ABHD2: variants seen among roughly 807,000 people sequenced by gnomAD.
The protein encoded by ABHD2 is monoacylglycerol lipase ABHD2.
ABHD2 carries 20 observed loss-of-function variants against 48.1 expected under a neutral mutation model. The ratio of observed to expected loss-of-function variants is 0.42; its 90% confidence interval spans 0.29 to 0.60. The LOEUF is 0.60. Among genes scored for constraint, ABHD2 ranks in the 20% least tolerant of loss-of-function variants. The pLI, the probability that ABHD2 is intolerant of heterozygous loss-of-function variation, is 0.24. For missense variants in ABHD2, 405 were observed against 550.9 expected (o/e 0.74, Z 2.65); for synonymous variants, 209 against 214.2 (o/e 0.98, Z 0.21).
At chr15:89,128,558 C>G (rs1339074857) in intron 3 of ABHD2, among the ~76,000 whole-genome samples, 4 of 152,196 alleles carry the variant, frequency 2.6e-5, no homozygotes, top group African/African-American at 9.6e-5. Context: ...TTGATTGTCT[C>G]TCTTGTAACT....
chr15:89,102,296 G>A lies in ABHD2; in HGVS notation c.-106-11429G>A, dbSNP rs1260492381. 3 of 152,012 alleles carry A rather than the reference G, an allele frequency of 2.0e-5. No homozygotes were observed. Among genetic ancestry groups the A allele is most frequent in the Non-Finnish European group, 4.4e-5 (3 of 68,010 alleles). 9.4% of individuals were successfully genotyped at this position (152,012 alleles called of 1,614,324 possible). On this transcript the variant is annotated intron_variant, in intron 1 of 10. Transcript: ENST00000352732. The surrounding 1 kb of genome is among the most constrained non-coding windows in gnomAD (Gnocchi z 4.8). The stretch of plus-strand genomic sequence containing the variant: ...TGAACTCCTCTAGTATTTATAGTTG[G>A]TACTTCAGAGTTTAGTACTTCATTA...
rs543055247 is a variant in ABHD2 at position 89,112,017 on chromosome 15, T to C, written c.-106-1708T>C. Among the ~76,000 whole-genome samples, 3 of 152,236 alleles carry C rather than the reference T, an allele frequency of 2.0e-5. No homozygotes were observed. In the South Asian group the frequency reaches 6.2e-4, roughly 32 times the overall value. On this transcript the variant is annotated intron_variant, in intron 1 of 10. Coordinates refer to ENST00000352732, the MANE Select transcript of ABHD2 (RefSeq NM_152924.5). ...ACCTTTTCAGGGCTAGAAGGGACCT[T>C]AGATGCTTTTCTCCAAAGGTTGCAT...
upstream of ABHD2, among the ~76,000 whole-genome samples, chr15:89,086,883 T>C (rs1256892732): frequency 1.3e-5 from 2 of 152,254 alleles, no homozygotes. Context: ...CCTGGGTTTT[T>C]CTTTTCCAAG....
At chr15:89,083,283 T>G (rs1174741405), upstream of ABHD2, among the ~76,000 whole-genome samples, 1 of 152,246 alleles carries the variant, frequency 6.6e-6, no homozygotes, top group Non-Finnish European at 1.5e-5. The surrounding 1 kb of genome is among the most constrained non-coding windows in gnomAD (Gnocchi z 5.1). Flanking sequence ...TATGATGAGC[T>G]TATTTAATGC....
At position 89,186,518 on chromosome 15, in the gene ABHD2, C is replaced by A. The variant is rs188161529; in HGVS notation, c.815+1002C>A. Reference sequence around the variant, plus strand: ...TTACTGCCCTTGCTGAGAATACTCTCCCGTTTCTCTGCTGGTGGGAACTCA... The same window carrying A: ...TTACTGCCCTTGCTGAGAATACTCTACCGTTTCTCTGCTGGTGGGAACTCA... On this transcript the variant is annotated intron_variant, in intron 7 of 10. Transcript: ENST00000352732. The surrounding 1 kb of genome is among the most constrained non-coding windows in gnomAD (Gnocchi z 4.3). Among the ~76,000 whole-genome samples, 474 of 152,250 alleles carry A rather than the reference C, an allele frequency of 3.1e-3. 2 individuals are homozygous for A. Among genetic ancestry groups the A allele is most frequent in the African/African-American group, 0.011 (443 of 41,534 alleles).
chr15:89,170,685 C>T (rs1286582205), intron 5 of ABHD2, among the ~76,000 whole-genome samples: 5 of 152,186 alleles, frequency 3.3e-5, no homozygotes, highest in Non-Finnish European at 7.3e-5. Context: ...GCCTGTTACC[C>T]ACACTTCTTC....
intron 1 of ABHD2, among the ~76,000 whole-genome samples, chr15:89,112,960 G>A (rs1292139783): frequency 6.6e-6 from 1 of 152,208 alleles, no homozygotes; most frequent in East Asian, 1.9e-4. Context: ...GATTAAATGA[G>A]CTACCATATG....
At chr15:89,064,963 A>G in the ABHD2 span, among the ~76,000 whole-genome samples, 2 of 152,042 alleles carry the variant, frequency 1.3e-5, no homozygotes, top group Non-Finnish European at 2.9e-5. Flanking sequence ...CCCGAGAGGG[A>G]TCACTATTCT....
Position 89,151,610 on chromosome 15 carries a change from T to G in ABHD2, c.195-67T>G, listed in dbSNP as rs2050592001. On this transcript the variant is annotated intron_variant, in intron 3 of 10. Coordinates refer to ENST00000352732, the MANE Select transcript of ABHD2 (RefSeq NM_152924.5). The surrounding 1 kb of genome is among the most constrained non-coding windows in gnomAD (Gnocchi z 4.7). ...CAAAAATAGGTTGAAAGAGTTTTGC[T>G]AAAAGATTTTTCAGAACGTTGCTCA... 1 of 1,530,966 alleles carries G rather than the reference T, an allele frequency of 6.5e-7. No homozygotes were observed. The highest frequency in any genetic ancestry group is 8.8e-7 in the Non-Finnish European group (1 of 1,133,696). 94.8% of individuals were successfully genotyped at this position (1,530,966 alleles called of 1,614,324 possible).
intron 6 of ABHD2, among the ~76,000 whole-genome samples, chr15:89,181,379 C>T (rs1037857762): frequency 6.6e-6 from 1 of 151,998 alleles, no homozygotes; most frequent in African/African-American, 2.4e-5. Flanking sequence ...GGTGTGATAG[C>T]ATTATGGGAA....
the ABHD2 span, among the ~76,000 whole-genome samples, chr15:89,046,250 C>G: frequency 6.6e-6 from 1 of 152,184 alleles, no homozygotes; most frequent in Non-Finnish European, 1.5e-5. Context: ...ATGAAGTCCA[C>G]TTGATCATGG....
At chr15:89,077,874 G>C in the ABHD2 span, among the ~76,000 whole-genome samples, 3 of 151,982 alleles carry the variant, frequency 2.0e-5, no homozygotes, top group Admixed American at 1.3e-4. Flanking sequence ...TTGTACTGTG[G>C]ACAGCTTTTG....
At chr15:89,068,196 GCACACACA>G in the ABHD2 span, among the ~76,000 whole-genome samples, 9 of 149,804 alleles carry the variant, frequency 6.0e-5, no homozygotes, top group East Asian at 2.0e-4. Flanking sequence ...ATGTGCGCGT[GCACACACA>G]CACACACACA....
chr15:89,135,566 C>T, intron 3 of ABHD2: 1 of 1,478,042 alleles, frequency 6.8e-7, no homozygotes, highest in Non-Finnish European at 9.3e-7. Flanking sequence ...TCTTCATCTT[C>T]CTCCTCCTCA....
At chr15:89,069,674 C>CTTTTTTTTTTTTTTTTTTT in the ABHD2 span, among the ~76,000 whole-genome samples, 66 of 52,900 alleles carry the variant, frequency 1.2e-3, 24 homozygotes, top group African/African-American at 3.3e-3. Flanking sequence ...TTCATTTACT[C>CTTTTTTTTTTTTTTTTTTT]TTTTTTTTTT....
the ABHD2 span, among the ~76,000 whole-genome samples, chr15:89,047,839 G>C: frequency 6.8e-6 from 1 of 146,702 alleles, no homozygotes; most frequent in Non-Finnish European, 1.5e-5. Flanking sequence ...GATGGGTCTT[G>C]ACTCTTTATC....
intron 1 of ABHD2, among the ~76,000 whole-genome samples, chr15:89,103,585 G>A (rs192047444): frequency 6.6e-6 from 1 of 152,258 alleles, no homozygotes; most frequent in East Asian, 1.9e-4. Flanking sequence ...TCCTCCAAAA[G>A]TGCAAGTGAT....
rs1037553832 is a variant in ABHD2, at chr15:89,188,710, C to G, written c.926+407C>G. On this transcript the variant is annotated intron_variant, in intron 8 of 10. Transcript: ENST00000352732. This position sits in a 1 kb window ranked among gnomAD's most constrained non-coding sequence, Gnocchi z 4.1. ...ATACTTCTTGTACTTCTCTGTGTCT[C>G]TAACAAGAGTAGAAAAACTGGCTGG... Among the ~76,000 whole-genome samples, 1 of 152,014 alleles carries G rather than the reference C, an allele frequency of 6.6e-6. No individual in the cohort carries two copies. Among genetic ancestry groups the G allele is most frequent in the Non-Finnish European group, 1.5e-5 (1 of 68,008 alleles).
chr15:89,058,188 A>G, the ABHD2 span, among the ~76,000 whole-genome samples: 2 of 152,176 alleles, frequency 1.3e-5, no homozygotes, highest in Admixed American at 6.5e-5. Context: ...TTGGAGATCC[A>G]TTCCCCTGGC....
Sources: gnomAD v4.1 joint callset for allele counts (sites outside exome capture counted in the v4.1 genomes callset) on GRCh38, gnomAD v4.1.1 for gene constraint, Gnocchi (gnomAD v3.1) non-coding constraint, MANE v1.5 for transcripts, NCBI Gene and HGNC (gene_info 2026-07-23, HGNC 2026-07-21) for gene names.